AMBRA1: variants seen among roughly 807,000 people sequenced by gnomAD.
AMBRA1 encodes autophagy and beclin 1 regulator 1.
A neutral mutation model predicts 125.4 loss-of-function variants in AMBRA1; 47 were observed. The ratio of observed to expected loss-of-function variants is 0.37; its 90% CI spans 0.30 to 0.48. AMBRA1 has a LOEUF of 0.48. Ranked by LOEUF, AMBRA1 falls within the 20% of genes least tolerant of loss-of-function variation. The pLI is 0.99. For missense variants in AMBRA1, 1,331 were observed against 1,693.4 expected, an observed-to-expected ratio of 0.79 and a Z score of 3.76; for synonymous variants, 626 against 655.5, an observed-to-expected ratio of 0.95 and a Z score of 0.69.
chr11:46,457,322 A>C (rs1393759822), intron 11 of AMBRA1, among the ~76,000 whole-genome samples: 1 of 152,178 alleles, frequency 6.6e-6, no homozygotes, highest in Non-Finnish European at 1.5e-5. Flanking sequence ...GGGCTAACAA[A>C]TCCCACAGAA....
At chr11:46,439,347 TCAGA>T (rs1468002129) in intron 12 of AMBRA1, among the ~76,000 whole-genome samples, 2 of 151,994 alleles carry the variant, frequency 1.3e-5, no homozygotes, top group African/African-American at 4.8e-5. Context: ...AAATGAATAA[TCAGA>T]CAGATCACTA....
At chr11:46,476,642 A>G (rs1949824488) in intron 11 of AMBRA1, among the ~76,000 whole-genome samples, 1 of 152,110 alleles carries the variant, frequency 6.6e-6, no homozygotes, top group South Asian at 2.1e-4. Context: ...TGATATTTTC[A>G]GTTTTAATTA....
intron 14 of AMBRA1, among the ~76,000 whole-genome samples, chr11:46,427,581 T>C (rs1947208305): frequency 6.6e-6 from 1 of 152,212 alleles, no homozygotes; most frequent in African/African-American, 2.4e-5. Context: ...CCAGAGTTTC[T>C]GACTCAGCAG....
chr11:46,458,568 A>T (rs1948950224), intron 11 of AMBRA1, among the ~76,000 whole-genome samples: 1 of 152,098 alleles, frequency 6.6e-6, no homozygotes, highest in Non-Finnish European at 1.5e-5. Flanking sequence ...GAGAGAAGGG[A>T]TCAACTTTTC....
chr11:46,478,105 G>T (rs1310687399), intron 11 of AMBRA1, among the ~76,000 whole-genome samples: 1 of 151,932 alleles, frequency 6.6e-6, no homozygotes, highest in African/African-American at 2.4e-5. Context: ...ATTCACATTT[G>T]GTCCCCATAA....
intron 10 of AMBRA1, 177 bp downstream of exon 10, chr11:46,493,947 A>T (rs1810699659): frequency 5.9e-6 from 4 of 678,320 alleles, no homozygotes; most frequent in South Asian, 2.0e-5. Context: ...CCACTTTTTC[A>T]TCTCTTTTGA....
intron 11 of AMBRA1, among the ~76,000 whole-genome samples, chr11:46,465,854 A>G (rs145773879): frequency 2.0e-4 from 30 of 152,346 alleles, no homozygotes; most frequent in Admixed American, 1.5e-3. Flanking sequence ...GCAACTGTCC[A>G]TGCTATATTC....
At chr11:46,523,142 A>G (rs149345604) in intron 7 of AMBRA1, among the ~76,000 whole-genome samples, 2 of 152,352 alleles carry the variant, frequency 1.3e-5, no homozygotes, top group African/African-American at 4.8e-5. Flanking sequence ...ATCCACTGTT[A>G]GCCCTTGAGC....
intron 14 of AMBRA1, among the ~76,000 whole-genome samples, chr11:46,423,757 A>ATTTTTTTTT (rs538298573): frequency 2.0e-5 from 2 of 98,904 alleles, no homozygotes; most frequent in Non-Finnish European, 3.9e-5. Flanking sequence ...CAGTGCACCC[A>ATTTTTTTTT]TTTTTTTTTT....
chr11:46,427,793 G>A (rs1178685986), intron 14 of AMBRA1, among the ~76,000 whole-genome samples: 1 of 152,106 alleles, frequency 6.6e-6, no homozygotes, highest in Non-Finnish European at 1.5e-5. Context: ...CGGATCACCT[G>A]AGGTCAGGAG....
chr11:46,563,563 G>C, intron 1 of AMBRA1, among the ~76,000 whole-genome samples: 1 of 152,138 alleles, frequency 6.6e-6, no homozygotes, highest in East Asian at 1.9e-4. Context: ...CCATCAGCCA[G>C]GTGCAGTGGC....
chr11:46,438,173 G>A (rs1565158638), intron 12 of AMBRA1, among the ~76,000 whole-genome samples: 2 of 152,160 alleles, frequency 1.3e-5, no homozygotes, highest in African/African-American at 2.4e-5. Context: ...GGGCAGTGAA[G>A]AATGGAAATA....
chr11:46,501,651 C>T (rs1250380982), intron 9 of AMBRA1, among the ~76,000 whole-genome samples: 1 of 152,124 alleles, frequency 6.6e-6, no homozygotes, highest in South Asian at 2.1e-4. Context: ...ACATCTATTC[C>T]TTGATTTACC....
rs1555013406 is a variant in AMBRA1, at chr11:46,573,678, T to TA, written c.-121+20149dup. 1.1e-4 allele frequency among the ~76,000 whole-genome samples: 17 copies of TA among 149,950 alleles called. No individual in the cohort carries two copies. In the South Asian group the frequency reaches 2.3e-3, roughly 20 times the overall value. On this transcript the variant is annotated intron_variant, in intron 1 of 17. Transcript: ENST00000683756. ...AATCCTTTTTCTTTTTTTTTTTTTT[T>TA]ATTATACTTTAAGTTTTAGGGTACA...
At chr11:46,439,914 CTTT>C (rs34040432) in intron 12 of AMBRA1, among the ~76,000 whole-genome samples, 2 of 146,980 alleles carry the variant, frequency 1.4e-5, no homozygotes, top group Non-Finnish European at 3.0e-5. Context: ...CCACATACTA[CTTT>C]TTTTTTTTAA....
intron 14 of AMBRA1, among the ~76,000 whole-genome samples, chr11:46,418,476 G>A (rs575976030): frequency 1.0e-4 from 15 of 150,738 alleles, no homozygotes; most frequent in Non-Finnish European, 2.1e-4. Context: ...ATGTATACAC[G>A]TGCCACGTTG....
intron 11 of AMBRA1, among the ~76,000 whole-genome samples, chr11:46,486,911 A>G (rs1175467079): frequency 1.9e-5 from 1 of 53,408 alleles, no homozygotes; most frequent in Admixed American, 1.4e-4. Context: ...ATCTCAACAT[A>G]AATAAATAAA....
At chr11:46,556,194 T>C (rs1369178693) in intron 1 of AMBRA1, among the ~76,000 whole-genome samples, 3 of 152,206 alleles carry the variant, frequency 2.0e-5, no homozygotes, top group African/African-American at 4.8e-5. Flanking sequence ...CTGGCAGCTT[T>C]GTTTTTATTA....
At chr11:46,402,528 A>AT (rs917409896) in intron 17 of AMBRA1, among the ~76,000 whole-genome samples, 19 of 151,228 alleles carry the variant, frequency 1.3e-4, no homozygotes, top group South Asian at 4.2e-4. Context: ...CACTTAGCTA[A>AT]TTTTTTTTTG....
Sources: allele counts gnomAD v4.1 joint callset (sites outside exome capture counted in the v4.1 genomes callset), GRCh38; gene constraint gnomAD v4.1.1; transcripts MANE v1.5; gene names NCBI Gene and HGNC (gene_info 2026-07-23, HGNC 2026-07-21).